The following USP28 variants were observed in gnomAD, a reference collection of about 807,000 sequenced individuals.
USP28 encodes ubiquitin specific peptidase 28.
Under a neutral mutation model 145.0 loss-of-function variants are expected in USP28, and 113 were observed. The observed-to-expected ratio is 0.78, with a 90% CI of 0.67 to 0.91. USP28 has a LOEUF of 0.91. USP28 is among the 40% of genes least tolerant of loss of function. USP28 has a pLI of 0.00. For synonymous variants in USP28, 447 were observed against 450.9 expected (o/e 0.99, Z 0.11); for missense variants, 1,201 against 1,289.6 (o/e 0.93, Z 1.05).
intron 16 of USP28, among the ~76,000 whole-genome samples, chr11:113,810,374 CA>C: frequency 6.6e-6 from 1 of 151,992 alleles, no homozygotes; most frequent in Non-Finnish European, 1.5e-5. Flanking sequence ...CCAAAACAAA[CA>C]AAAAAAGTCT....
intron 19 of USP28, 78 bp from the exon 21 acceptor site, chr11:113,805,124 G>A: frequency 7.3e-7 from 1 of 1,377,874 alleles, no homozygotes; most frequent in Non-Finnish European, 9.9e-7. Context: ...CTAGGAGCTA[G>A]GCAGTCTCTT....
chr11:113,845,857 G>A (rs1039670418), intron 3 of USP28, among the ~76,000 whole-genome samples: 2 of 152,182 alleles, frequency 1.3e-5, no homozygotes, highest in Non-Finnish European at 2.9e-5. Flanking sequence ...TCACAGATAT[G>A]AGCTACAGTG....
chr11:113,865,618 T>C (rs185121772), intron 1 of USP28, among the ~76,000 whole-genome samples: 233 of 152,292 alleles, frequency 1.5e-3, no homozygotes, highest in Non-Finnish European at 2.7e-3. Context: ...CTTCAACAAA[T>C]GGTATTGGTA....
chr11:113,823,811 T>C (rs1942979581), intron 11 of USP28, 111 bp from the exon 12 acceptor site: 3 of 769,432 alleles, frequency 3.9e-6, no homozygotes, highest in Non-Finnish European at 3.9e-6. Flanking sequence ...AGGGCATCTA[T>C]AAAAAACATA....
At chr11:113,807,901 G>T (rs763790256) in intron 18 of USP28, 50 bp downstream of exon 19, 9 of 987,236 alleles carry the variant, frequency 9.1e-6, no homozygotes, top group Non-Finnish European at 1.1e-5. Flanking sequence ...ACAAGAGAAG[G>T]AAATATAAGA....
intron 21 of USP28, 106 bp from the exon 23 acceptor site, chr11:113,803,983 C>CTCAAAA (rs1939504305): frequency 2.1e-6 from 2 of 932,824 alleles, no homozygotes; most frequent in South Asian, 3.5e-5. Context: ...GCACATCTGG[C>CTCAAAA]TAGCCACAAA....
At chr11:113,868,024 C>G (rs2137073655) in intron 1 of USP28, among the ~76,000 whole-genome samples, 1 of 152,184 alleles carries the variant, frequency 6.6e-6, no homozygotes. Context: ...TATTTTGACC[C>G]CTGTTTTACG....
chr11:113,849,251 T>C (rs972499212), intron 3 of USP28, among the ~76,000 whole-genome samples: 1 of 152,184 alleles, frequency 6.6e-6, no homozygotes, highest in Non-Finnish European at 1.5e-5. Flanking sequence ...CTGGATCCTA[T>C]CCACACTTTG....
intron 1 of USP28, among the ~76,000 whole-genome samples, chr11:113,864,556 CA>C (rs1948078973): frequency 6.6e-6 from 1 of 152,034 alleles, no homozygotes; most frequent in Non-Finnish European, 1.5e-5. Flanking sequence ...TCCTGTGAAC[CA>C]AAAGAGCTGA....
chr11:113,859,142 G>T (rs1947376217), intron 1 of USP28, among the ~76,000 whole-genome samples: 1 of 152,132 alleles, frequency 6.6e-6, no homozygotes, highest in African/African-American at 2.4e-5. Flanking sequence ...CTTCCAGGTT[G>T]TTGGGACTAC....
At chr11:113,801,601 A>G (rs955562787) in exon 24 of USP28, 4 of 1,610,960 alleles carry the variant, frequency 2.5e-6, no homozygotes, top group Middle Eastern at 1.7e-4. Flanking sequence ...TGATCAGTTC[A>G]TTCATCACAT....
chr11:113,827,238 C>T, exon 11 of USP28: 1 of 1,604,534 alleles, frequency 6.2e-7, no homozygotes. Flanking sequence ...CTCACCTGTC[C>T]ATATAAATAA....
chr11:113,852,712 C>A, intron 2 of USP28, 79 bp from the exon 3 acceptor site: 1 of 1,485,560 alleles, frequency 6.7e-7, no homozygotes, highest in South Asian at 1.2e-5. Flanking sequence ...ACTTTATTAC[C>A]CTGGTGACAC....
intron 16 of USP28, among the ~76,000 whole-genome samples, chr11:113,809,665 T>C (rs998181702): frequency 2.6e-5 from 4 of 152,200 alleles, no homozygotes; most frequent in Admixed American, 2.6e-4. Context: ...AGGGCAACAA[T>C]TGATAACAGT....
chr11:113,799,052 T>C (rs1243193893), exon 25 of USP28: 15 of 588,252 alleles, frequency 2.5e-5, no homozygotes, highest in Non-Finnish European at 3.9e-5. Context: ...GAAACAGCTT[T>C]TATGATTTTG....
At chr11:113,811,266 A>T (rs1324586212) in intron 16 of USP28, among the ~76,000 whole-genome samples, 1 of 152,234 alleles carries the variant, frequency 6.6e-6, no homozygotes, top group African/African-American at 2.4e-5. Context: ...TCACAGCTGT[A>T]AGTTCTTAGA....
intron 14 of USP28, 133 bp downstream of exon 14, chr11:113,815,041 G>A (rs1280910820): frequency 3.8e-6 from 3 of 792,098 alleles, no homozygotes; most frequent in Non-Finnish European, 5.9e-6. Context: ...GATAGAGTGA[G>A]ACTCCATCTC....
At chr11:113,805,101 C>T in intron 19 of USP28, 55 bp from the exon 21 acceptor site, 3 of 1,546,796 alleles carry the variant, frequency 1.9e-6, no homozygotes, top group East Asian at 4.5e-5. Flanking sequence ...CTTCTGCACA[C>T]AGAAATTGAT....
intron 1 of USP28, 39 bp from the exon 2 acceptor site, chr11:113,854,374 C>A: frequency 6.3e-7 from 1 of 1,575,202 alleles, no homozygotes; most frequent in South Asian, 1.1e-5. Context: ...ACATGTCAGT[C>A]AGAAAGTAAA....
Sources: gnomAD v4.1 joint callset for allele counts (sites outside exome capture counted in the v4.1 genomes callset) on GRCh38, gnomAD v4.1.1 for gene constraint, MANE v1.5 for transcripts, NCBI Gene and HGNC (gene_info 2026-07-23, HGNC 2026-07-21) for gene names.